The following PGF variants were observed in gnomAD, a reference collection of about 807,000 sequenced individuals.
The protein encoded by PGF is placenta growth factor.
A neutral mutation model predicts 25.3 loss-of-function variants in PGF; 11 were observed. The observed-to-expected ratio is 0.43, with a 90% CI of 0.27 to 0.72. PGF has a LOEUF of 0.72. PGF is among the 30% of genes least tolerant of loss of function. PGF has a pLI of 0.18. For synonymous variants in PGF, 105 were observed against 97.9 expected (o/e 1.07, Z -0.43); for missense variants, 230 against 234.9 (o/e 0.98, Z 0.14).
chr14:74,944,154 G>C (rs1012722946), intron 6 of PGF, among the ~76,000 whole-genome samples: 1 of 147,738 alleles, frequency 6.8e-6, no homozygotes, highest in South Asian at 2.1e-4. Context: ...CCAGGCTGGA[G>C]TGCAGTGGCG....
chr14:74,948,570 C>G lies in PGF; in HGVS notation c.329G>C (p.Arg110Pro). 1 of 1,602,648 alleles carries G rather than the reference C, an allele frequency of 6.2e-7. No homozygotes were observed. Residue 110 changes from arginine to proline, a missense_variant, in exon 4 of 7, where the codon CGT becomes CCT. Arg to Pro is a moderately radical substitution (Grantham distance 103). Transcript: ENST00000555567. ...ANVTMQLLKI[R>P]SGDRPSYVEL... ...CACGTAGGAGGGCCGGTCCCCAGAA[C>G]GGATCTTTAGGAGCTGAAGGAAGAA...
intron 6 of PGF, among the ~76,000 whole-genome samples, chr14:74,944,256 CCA>C (rs1309656129): frequency 1.3e-5 from 2 of 151,908 alleles, no homozygotes; most frequent in African/African-American, 4.8e-5. Flanking sequence ...GCACCCACCA[CCA>C]CACCCGGCTA....
At chr14:74,954,433 GCTCGGACTC>G (rs1888939320) in intron 1 of PGF, among the ~76,000 whole-genome samples, 1 of 152,146 alleles carries the variant, frequency 6.6e-6, no homozygotes, top group South Asian at 2.1e-4. Context: ...TGGCTGGGCT[GCTCGGACTC>G]CTCAGGGACT....
Position 74,942,685 on chromosome 14 carries a change from C to T in PGF, c.*21G>A. The T allele has an allele frequency of 6.2e-7, 1 of 1,611,846 alleles. No individual in the cohort carries two copies. Among genetic ancestry groups the T allele is most frequent in the Non-Finnish European group, 8.5e-7 (1 of 1,178,874 alleles). ...TAAATACACGAGCCGGGTGCGGGGT[C>T]TCTCTCCTCCAAGGGGTGGGTTACC... On this transcript the variant is annotated 3_prime_UTR_variant, in exon 7 of 7. Transcript: ENST00000555567.
intron 2 of PGF, 122 bp from the exon 3 acceptor site, chr14:74,949,675 C>CA: frequency 1.5e-6 from 1 of 648,580 alleles, no homozygotes; most frequent in Non-Finnish European, 2.5e-6. Flanking sequence ...CGAGCTCCCT[C>CA]AACTCTGAAC....
intron 6 of PGF, 113 bp downstream of exon 6, chr14:74,946,100 C>T: frequency 1.1e-6 from 1 of 892,988 alleles, no homozygotes; most frequent in Non-Finnish European, 1.8e-6. Context: ...CTGTTCTGCC[C>T]CCAAGACTGG....
intron 6 of PGF, 97 bp downstream of exon 6, chr14:74,946,116 G>C: frequency 1.8e-6 from 2 of 1,093,830 alleles, no homozygotes; most frequent in Non-Finnish European, 2.8e-6. Context: ...ACTGGCCTCA[G>C]TCCTGCCTCT....
chr14:74,946,486 C>T (rs1335726651), intron 4 of PGF, 78 bp from the exon 5 acceptor site: 2 of 1,404,194 alleles, frequency 1.4e-6, no homozygotes, highest in Non-Finnish European at 9.8e-7. Flanking sequence ...CCGGACAGGT[C>T]CCCTCCGACA....
chr14:74,942,872 G>T, intron 6 of PGF, 139 bp from the exon 7 acceptor site: 1 of 688,316 alleles, frequency 1.5e-6, no homozygotes, highest in Non-Finnish European at 2.3e-6. Flanking sequence ...CTGGGTCCCT[G>T]CTTGCTTCAA....
intron 4 of PGF, chr14:74,946,715 T>C (rs1242619034): frequency 4.3e-6 from 3 of 696,696 alleles, no homozygotes; most frequent in Non-Finnish European, 7.9e-6. Context: ...CTGTTCTCTG[T>C]TGCTTTTTCT....
intron 1 of PGF, among the ~76,000 whole-genome samples, chr14:74,954,654 A>T (rs1034198595): frequency 1.3e-5 from 2 of 151,872 alleles, no homozygotes; most frequent in African/African-American, 4.8e-5. Flanking sequence ...CACCCAGGAG[A>T]AAAGGCACAG....
At chr14:74,946,934 C>T (rs745826436) in intron 4 of PGF, 5 of 720,382 alleles carry the variant, frequency 6.9e-6, no homozygotes, top group South Asian at 2.9e-5. Flanking sequence ...TGGGCTCTGC[C>T]TCCCAGGGCT....
Position 74,953,873 on chromosome 14 carries a change from A to G in PGF, c.118+31T>C. The G allele has an allele frequency of 6.2e-7, 1 of 1,604,764 alleles. No individual in the cohort carries two copies. Among genetic ancestry groups the G allele is most frequent in the Non-Finnish European group, 8.5e-7 (1 of 1,171,772 alleles). ...GAGAAAGGAAGAGAGGGGCTTGGGG[A>G]GCATGCGTACCCCCAGCCTGGCCAG... On this transcript the variant is annotated intron_variant, in intron 2 of 6. Coordinates refer to ENST00000555567, the MANE Select transcript of PGF (RefSeq NM_002632.6). The surrounding 1 kb of genome is among the most constrained non-coding windows in gnomAD (Gnocchi z 5.4).
intron 4 of PGF, chr14:74,947,254 A>T (rs1048364843): frequency 3.9e-6 from 1 of 255,936 alleles, no homozygotes; most frequent in Admixed American, 5.0e-5. Context: ...GGGATGGAGA[A>T]GGTGACTCTG....
chr14:74,942,931 C>T (rs977009273), intron 6 of PGF, among the ~76,000 whole-genome samples, 198 bp from the exon 7 acceptor site: 2 of 152,184 alleles, frequency 1.3e-5, no homozygotes, highest in Non-Finnish European at 2.9e-5. Context: ...TACCCATGTG[C>T]CCAGCCCTGT....
At position 74,948,529 on chromosome 14, in the gene PGF, G is replaced by T; in HGVS notation, c.370C>A (p.Gln124Lys). The T allele has an allele frequency of 6.2e-7, 1 of 1,600,560 alleles. No homozygotes were observed. The stretch of plus-strand genomic sequence containing the variant: ...TACCGGCATTCGCAGCGAACGTGCT[G>T]AGAGAACGTCAGCTCCACGTAGGAG... ...RPSYVELTFS[Q>K]HVRCECRPLR... Residue 124 changes from glutamine to lysine, a missense_variant, in exon 4 of 7, where the codon CAG (glutamine) becomes AAG (lysine). By Grantham distance (53) the Gln-to-Lys change is moderately conservative. Coordinates refer to ENST00000555567, the MANE Select transcript of PGF (RefSeq NM_002632.6).
At chr14:74,948,707 C>T in intron 3 of PGF, 124 bp from the exon 4 acceptor site, 2 of 566,184 alleles carry the variant, frequency 3.5e-6, no homozygotes, top group South Asian at 5.0e-5. Context: ...TACAGGCCCT[C>T]ACTCCACTCT....
chr14:74,951,827 A>G (rs771665426), intron 2 of PGF, among the ~76,000 whole-genome samples: 5 of 152,052 alleles, frequency 3.3e-5, no homozygotes, highest in Non-Finnish European at 7.4e-5. Flanking sequence ...AGCCACCAGG[A>G]AAGGGCAATT....
At chr14:74,945,990 G>C (rs111642315) in intron 6 of PGF, 15 of 573,278 alleles carry the variant, frequency 2.6e-5, no homozygotes, top group African/African-American at 2.4e-4. Flanking sequence ...AAGGTGAAAT[G>C]ATTTGTTGAA....
Sources: gnomAD v4.1 joint callset for allele counts (sites outside exome capture counted in the v4.1 genomes callset) on GRCh38, gnomAD v4.1.1 for gene constraint, Gnocchi (gnomAD v3.1) non-coding constraint, MANE v1.5 for transcripts, NCBI Gene and HGNC (gene_info 2026-07-23, HGNC 2026-07-21) for gene names.